Variants in NCR3LG1 observed in about 807,000 individuals in gnomAD.
NCR3LG1 encodes the protein natural killer cell cytotoxicity receptor 3 ligand 1.
Under a neutral mutation model 34.8 loss-of-function variants are expected in NCR3LG1, and 35 were observed. The ratio of observed to expected loss-of-function variants is 1.01; its 90% CI spans 0.77 to 1.33. The LOEUF (loss-of-function observed/expected upper bound fraction) is 1.33, where lower values mean the gene tolerates loss of function less well. Among genes scored for constraint, NCR3LG1 ranks in the 40% most tolerant of loss-of-function variants. The pLI is 0.00. For missense variants in NCR3LG1, 452 were observed against 423.3 expected (o/e 1.07, Z -0.60); for synonymous variants, 173 against 163.6 (o/e 1.06, Z -0.44).
Position 17,357,013 on chromosome 11 carries a change from G to A in NCR3LG1, c.421+12G>A, listed in dbSNP as rs890621616. The A allele has an allele frequency of 3.2e-5, 48 of 1,486,610 alleles. No homozygotes were observed. Among genetic ancestry groups the A allele is most frequent in the South Asian group, 5.1e-5 (4 of 77,722 alleles). The allele number at this position is 1,486,610 out of a possible 1,614,324, so 92.1% of individuals were successfully genotyped here. A position where few individuals can be genotyped will look rare whatever the true frequency, so the allele number is the denominator to read the frequency against. On this transcript the variant is annotated intron_variant, in intron 2 of 4. Coordinates refer to ENST00000338965, the MANE Select transcript of NCR3LG1 (RefSeq NM_001202439.3). Reference sequence around the variant, plus strand: ...GCTTGAAGTTGTGGGTGAGTGTCTCGGGGCAGTGCCCTACAGTTCCCATGG... The same window carrying A: ...GCTTGAAGTTGTGGGTGAGTGTCTCAGGGCAGTGCCCTACAGTTCCCATGG...
At chr11:17,352,174 CTCCTTTTT>C in intron 1 of NCR3LG1, 135 bp downstream of exon 1, 1 of 470,420 alleles carries the variant, frequency 2.1e-6, no homozygotes, top group Non-Finnish European at 3.6e-6. Flanking sequence ...TCTATTTCTT[CTCCTTTTT>C]TTTTTTTTTT....
In NCR3LG1 at chr11:17,372,591, G is replaced by A; in HGVS notation, c.*79G>A. On this transcript the variant is annotated 3_prime_UTR_variant, in exon 5 of 5. Transcript: ENST00000338965. ...CCTTGGGCAAATAAGAGGGGACCTG[G>A]GCAAGTTCTCTGATGACCTGATAGA... 1.6e-6 allele frequency: 1 copy of A among 612,728 alleles called. No homozygotes were observed. Among genetic ancestry groups the A allele is most frequent in the Non-Finnish European group, 2.9e-6 (1 of 344,098 alleles). 38.0% of individuals were successfully genotyped at this position (612,728 alleles called of 1,614,324 possible).
chr11:17,377,769 C>G (rs1265833295), downstream of NCR3LG1, among the ~76,000 whole-genome samples: 1 of 152,190 alleles, frequency 6.6e-6, no homozygotes, highest in African/African-American at 2.4e-5. Flanking sequence ...GGAAGGGAAC[C>G]TGCACTATCG....
rs1953375945 is a variant in NCR3LG1, at chr11:17,368,814, CT to C, written c.761-52del. Reference sequence around the variant, plus strand: ...GTTCCCAGCAGCAGTTGTGTGGTTTCTCTGGCCCTTGCCAGTAGGTTTCCTG... The same window carrying C: ...GTTCCCAGCAGCAGTTGTGTGGTTTCCTGGCCCTTGCCAGTAGGTTTCCTG... On this transcript the variant is annotated intron_variant, in intron 3 of 4. Coordinates refer to ENST00000338965, the MANE Select transcript of NCR3LG1 (RefSeq NM_001202439.3). 34 of 1,238,648 alleles carry C rather than the reference CT, an allele frequency of 2.7e-5. No individual in the cohort carries two copies. The South Asian group carries it at 4.3e-4, about 16-fold the overall frequency. 76.7% of individuals were successfully genotyped at this position (1,238,648 alleles called of 1,614,324 possible).
Position 17,373,552 on chromosome 11 carries a change from T to C in NCR3LG1, c.*1040T>C, listed in dbSNP as rs1311192343. The C allele has an allele frequency of 6.6e-6, 1 of 152,222 alleles. No homozygotes were observed. The highest frequency in any genetic ancestry group is 1.5e-5 in the Non-Finnish European group (1 of 68,050). 9.4% of individuals were successfully genotyped at this position (152,222 alleles called of 1,614,324 possible). On this transcript the variant is annotated 3_prime_UTR_variant, in exon 5 of 5. Transcript: ENST00000338965. Reference sequence around the variant, plus strand: ...CTCCAGTGGCTCAGACTGCTGTTACTACCCGGGAGCACCAGGTGATTCTGG... The same window carrying C: ...CTCCAGTGGCTCAGACTGCTGTTACCACCCGGGAGCACCAGGTGATTCTGG...
chr11:17,367,979 C>A (rs367916350), intron 3 of NCR3LG1, among the ~76,000 whole-genome samples: 1 of 152,006 alleles, frequency 6.6e-6, no homozygotes, highest in African/African-American at 2.4e-5. Flanking sequence ...CCACCACGCA[C>A]GGCTGATTTT....
rs1953355374 is a variant in NCR3LG1, at chr11:17,367,251, C to T, written c.664C>T (p.Pro222Ser). ...CLKLNSSQED[P>S]GTVYQCVVRH... Reference sequence around the variant, plus strand: ...GAAGCTGAACTCCTCTCAGGAAGACCCTGGGACTGTCTACCAGTGTGTGGT... The same window carrying T: ...GAAGCTGAACTCCTCTCAGGAAGACTCTGGGACTGTCTACCAGTGTGTGGT... Residue 222 changes from proline (P) to serine (S), a missense_variant, in exon 3 of 5, where the codon CCT (proline) becomes TCT (serine). Transcript: ENST00000338965. 6.5e-7 allele frequency: 1 copy of T among 1,536,246 alleles called. No individual in the cohort carries two copies. Among genetic ancestry groups the T allele is most frequent in the Non-Finnish European group, 8.7e-7 (1 of 1,146,948 alleles).
chr11:17,352,000 G>A lies in NCR3LG1; in HGVS notation c.31G>A (p.Ala11Thr), dbSNP rs1953140733. ...GTGGAGGGCTGCCGCCTCCACGTGC[G>A]CGGCGCTCCTGATTCTGCTGTGGGC... MTWRAAASTCAALLILLWALT... is the reference protein window; with the variant it reads MTWRAAASTCTALLILLWALT... Residue 11 changes from alanine (A) to threonine (T), a missense_variant, in exon 1 of 5, where the codon GCG becomes ACG. Coordinates refer to ENST00000338965, the MANE Select transcript of NCR3LG1 (RefSeq NM_001202439.3). 1 of 1,525,390 alleles carries A rather than the reference G, an allele frequency of 6.6e-7. No homozygotes were observed. The highest frequency in any genetic ancestry group is 8.8e-7 in the Non-Finnish European group (1 of 1,142,002). The allele number at this position is 1,525,390 out of a possible 1,614,324, so 94.5% of individuals were successfully genotyped here.
chr11:17,378,078 G>T (rs970991729), downstream of NCR3LG1, among the ~76,000 whole-genome samples: 6 of 152,138 alleles, frequency 3.9e-5, no homozygotes, highest in African/African-American at 1.4e-4. Flanking sequence ...TTTCTATTAT[G>T]ATGCCACAAG....
chr11:17,358,236 T>A (rs1953232731), intron 2 of NCR3LG1, among the ~76,000 whole-genome samples: 1 of 152,244 alleles, frequency 6.6e-6, no homozygotes, highest in Non-Finnish European at 1.5e-5. Flanking sequence ...TTTTACCTAA[T>A]GTCCTTTTCC....
rs1209248639 is a variant in NCR3LG1, at chr11:17,362,733, TTTCTTTCTTTCTTTCTTTC to T, written c.422-4273_422-4255del. 8.7e-4 allele frequency among the ~76,000 whole-genome samples: 78 copies of T among 89,260 alleles called. 5 individuals are homozygous for T. Among genetic ancestry groups the T allele is most frequent in the African/African-American group, 4.8e-3 (71 of 14,936 alleles). 58.6% of individuals were successfully genotyped at this position (89,260 alleles called of 152,430 possible). A position where few individuals can be genotyped will look rare whatever the true frequency, so the allele number is the denominator to read the frequency against. On this transcript the variant is annotated intron_variant, in intron 2 of 4. Coordinates refer to ENST00000338965, the MANE Select transcript of NCR3LG1 (RefSeq NM_001202439.3). Reference sequence around the variant, plus strand: ...CTTTCTTTCTTTCTTTCTTTCTTTCTTTCTTTCTTTCTTTCTTTCTTTCTTTCTTTCTTTCCTTCCTTCC... The same window carrying T: ...CTTTCTTTCTTTCTTTCTTTCTTTCTTTTCTTTCTTTCTTTCCTTCCTTCC...
intron 2 of NCR3LG1, among the ~76,000 whole-genome samples, chr11:17,363,308 C>T (rs1953303293): frequency 1.3e-5 from 2 of 151,936 alleles, no homozygotes; most frequent in African/African-American, 4.8e-5. Context: ...TTATACTTCA[C>T]CTTTGAAGGA....
chr11:17,354,984 G>C (rs1953188614), intron 1 of NCR3LG1, among the ~76,000 whole-genome samples: 1 of 152,160 alleles, frequency 6.6e-6, no homozygotes, highest in South Asian at 2.1e-4. Flanking sequence ...TTAGTAATGA[G>C]TCTGACTTCT....
intron 4 of NCR3LG1, among the ~76,000 whole-genome samples, chr11:17,371,249 C>CA (rs1188322397): frequency 6.6e-6 from 1 of 152,078 alleles, no homozygotes; most frequent in African/African-American, 2.4e-5. Flanking sequence ...AATTTGTAGT[C>CA]AGAGTTTTTT....
chr11:17,362,736 CTT>C (rs1305589434), intron 2 of NCR3LG1, among the ~76,000 whole-genome samples: 1 of 105,592 alleles, frequency 9.5e-6, no homozygotes, highest in Non-Finnish European at 1.7e-5. Context: ...TTCTTTCTTT[CTT>C]TCTTTCTTTC....
chr11:17,372,838 G>A lies in NCR3LG1; in HGVS notation c.*326G>A, dbSNP rs1953427906. Reference sequence around the variant, plus strand: ...AATAGGAAGCGAGGCAGTGCCCCTTGAACAACATAATTCGGACCCCAGTGG... The same window carrying A: ...AATAGGAAGCGAGGCAGTGCCCCTTAAACAACATAATTCGGACCCCAGTGG... On this transcript the variant is annotated 3_prime_UTR_variant, in exon 5 of 5. Transcript: ENST00000338965. 3.7e-6 allele frequency: 1 copy of A among 268,622 alleles called. No individual in the cohort carries two copies. The highest frequency in any genetic ancestry group is 7.1e-6 in the Non-Finnish European group (1 of 141,732). The allele number at this position is 268,622 out of a possible 1,614,324, so 16.6% of individuals were successfully genotyped here. A position where few individuals can be genotyped will look rare whatever the true frequency, so the allele number is the denominator to read the frequency against.
intron 2 of NCR3LG1, among the ~76,000 whole-genome samples, chr11:17,362,470 T>C (rs917615784): frequency 3.3e-5 from 5 of 152,194 alleles, no homozygotes; most frequent in Admixed American, 3.3e-4. Flanking sequence ...TAGGATAATA[T>C]TGGGCTTGTA....
intron 2 of NCR3LG1, among the ~76,000 whole-genome samples, chr11:17,363,852 C>G (rs531190195): frequency 1.3e-5 from 2 of 152,188 alleles, no homozygotes; most frequent in East Asian, 3.9e-4. Flanking sequence ...CTGCCTTGGT[C>G]TCTGAAAGTG....
chr11:17,353,466 C>A (rs1953164141), intron 1 of NCR3LG1, among the ~76,000 whole-genome samples: 1 of 151,376 alleles, frequency 6.6e-6, no homozygotes, highest in Non-Finnish European at 1.5e-5. Context: ...CGCCTCCGCG[C>A]TCTATCAGTC....
Sources: gnomAD v4.1 joint callset for allele counts (sites outside exome capture counted in the v4.1 genomes callset) on GRCh38, gnomAD v4.1.1 for gene constraint, MANE v1.5 for transcripts, NCBI Gene and HGNC (gene_info 2026-07-23, HGNC 2026-07-21) for gene names.